The following GPHN variants were observed in gnomAD, a reference collection of about 807,000 sequenced individuals.
GPHN encodes the protein gephyrin.
GPHN carries 17 observed loss-of-function variants against 95.5 expected under a neutral mutation model. The ratio of observed to expected loss-of-function variants is 0.18; its 90% CI spans 0.12 to 0.27. The LOEUF is 0.27. Among genes scored for constraint, GPHN ranks in the 10% least tolerant of loss-of-function variants. The pLI, the probability that GPHN is intolerant of heterozygous loss-of-function variation, is 1.00. For synonymous variants in GPHN, 320 were observed against 322.5 expected (o/e 0.99, Z 0.08); for missense variants, 660 against 978.1 (o/e 0.67, Z 4.34).
the GPHN span, among the ~76,000 whole-genome samples, chr14:67,389,815 T>G: frequency 9.9e-5 from 15 of 152,212 alleles, no homozygotes; most frequent in African/African-American, 3.6e-4. Context: ...TGTTTATTTT[T>G]TCCTTGCTTC....
At chr14:67,057,718 T>C (rs1334225061) in intron 10 of GPHN, among the ~76,000 whole-genome samples, 2 of 152,222 alleles carry the variant, frequency 1.3e-5, no homozygotes, top group Admixed American at 1.3e-4. Flanking sequence ...TCTCTTTCTC[T>C]TTCTTTCATT....
At position 66,508,408 on chromosome 14, in the gene GPHN, C is replaced by T. The variant is rs2057874964; in HGVS notation, c.-120C>T. ...TGGCCTCCCCCTCCTTCCCCGCTCT[C>T]CTCGCGCTTCTCTGGCTCCCTAGCT... On this transcript the variant is annotated 5_prime_UTR_variant, in exon 1 of 23. Transcript: ENST00000478722. The T allele has an allele frequency of 2.0e-5, 18 of 896,998 alleles. No homozygotes were observed. The highest frequency in any genetic ancestry group is 2.3e-4 in the Middle Eastern group (1 of 4,360). 55.6% of individuals were successfully genotyped at this position (896,998 alleles called of 1,614,324 possible). A position where few individuals can be genotyped will look rare whatever the true frequency, so the allele number is the denominator to read the frequency against.
In GPHN at chr14:67,058,747, A is replaced by G. The variant is rs777662783; in HGVS notation, c.1105A>G (p.Met369Val). 6.2e-7 allele frequency: 1 copy of G among 1,613,638 alleles called. No homozygotes were observed. The change falls in exon 11 of 23, where the codon ATG (methionine) becomes GTG (valine). Residue 369 changes from methionine (M) to valine (V), a missense_variant. Around this residue, in one of 6 missense-constraint regions of GPHN, gnomAD observed 257 missense variants for 376.2 expected, o/e 0.68. Coordinates refer to ENST00000478722, the MANE Select transcript of GPHN (RefSeq NM_020806.5). Reference sequence around the variant, plus strand: ...CAAAGCCTTTATCACAGTCCTGGAGATGACTCCGGTGCTTGGGACAGAAAT... The same window carrying G: ...CAAAGCCTTTATCACAGTCCTGGAGGTGACTCCGGTGCTTGGGACAGAAAT... ...MDKAFITVLEMTPVLGTEIIN... is the reference protein window; with the variant it reads ...MDKAFITVLEVTPVLGTEIIN...
At chr14:67,453,694 C>T in the GPHN span, among the ~76,000 whole-genome samples, 5 of 152,180 alleles carry the variant, frequency 3.3e-5, no homozygotes, top group South Asian at 4.1e-4. Flanking sequence ...GGAGAGGGGG[C>T]GGCTGAGTCA....
chr14:67,578,185 T>C, the GPHN span: 3 of 1,613,574 alleles, frequency 1.9e-6, no homozygotes. This position sits in a 1 kb window ranked among gnomAD's most constrained non-coding sequence, Gnocchi z 5.0. Context: ...ACCTCAGAAG[T>C]ACTCCCTCAT....
the GPHN span, chr14:67,302,680 G>T: frequency 1.1e-6 from 1 of 873,544 alleles, no homozygotes; most frequent in Non-Finnish European, 1.6e-6. Flanking sequence ...ATGATTTCTA[G>T]CCTGATTTTT....
chr14:66,986,136 ATAATTT>A (rs1238159495), intron 9 of GPHN, among the ~76,000 whole-genome samples: 1 of 150,632 alleles, frequency 6.6e-6, no homozygotes, highest in Non-Finnish European at 1.5e-5. Flanking sequence ...TGTAAAAAAA[ATAATTT>A]TAATGTTATT....
At chr14:67,081,961 C>T (rs890244830) in intron 11 of GPHN, among the ~76,000 whole-genome samples, 1 of 152,096 alleles carries the variant, frequency 6.6e-6, no homozygotes, top group African/African-American at 2.4e-5. Flanking sequence ...GTCTATGTGC[C>T]TATTTTTATA....
At chr14:67,460,166 T>C in the GPHN span, among the ~76,000 whole-genome samples, 1 of 152,160 alleles carries the variant, frequency 6.6e-6, no homozygotes, top group Non-Finnish European at 1.5e-5. Flanking sequence ...CCCGCCTCCC[T>C]TTTTTTGTAA....
chr14:67,536,764 C>T, the GPHN span, among the ~76,000 whole-genome samples: 7 of 151,924 alleles, frequency 4.6e-5, no homozygotes, highest in South Asian at 8.3e-4. Flanking sequence ...ATCTTGGGGT[C>T]GGGAGTGGTG....
rs776788533 is a variant in GPHN, at chr14:67,081,581, G to A, written c.1145-7402G>A. On this transcript the variant is annotated intron_variant, in intron 11 of 22. Coordinates refer to ENST00000478722, the MANE Select transcript of GPHN (RefSeq NM_020806.5). Reference sequence around the variant, plus strand: ...TACTTTGCTGATTGTTTCTTTTGCTGTGCAGAAACTTTTTAGATTAATTAA... The same window carrying A: ...TACTTTGCTGATTGTTTCTTTTGCTATGCAGAAACTTTTTAGATTAATTAA... Among the ~76,000 whole-genome samples, 3 of 152,266 alleles carry A rather than the reference G, an allele frequency of 2.0e-5. No individual in the cohort carries two copies. In the East Asian group the frequency reaches 5.8e-4, roughly 29 times the overall value.
At chr14:67,436,926 A>T in the GPHN span, among the ~76,000 whole-genome samples, 3,072 of 152,200 alleles carry the variant, frequency 0.02, 186 homozygotes, top group East Asian at 0.13. Flanking sequence ...GCTTGGTGGC[A>T]CACACCTGTA....
chr14:67,165,340 C>T, intron 20 of GPHN, 114 bp downstream of exon 20: 1 of 716,210 alleles, frequency 1.4e-6, no homozygotes, highest in Non-Finnish European at 2.5e-6. Context: ...CAAGTCTCAG[C>T]TTTTCTAAAC....
chr14:66,590,237 C>T (rs377283719), intron 1 of GPHN, among the ~76,000 whole-genome samples: 62 of 152,100 alleles, frequency 4.1e-4, no homozygotes, highest in African/African-American at 1.3e-3. Flanking sequence ...GATCTAACAT[C>T]GACACCCTAA....
chr14:67,603,668 A>G, the GPHN span, among the ~76,000 whole-genome samples: 3 of 151,970 alleles, frequency 2.0e-5, no homozygotes, highest in Non-Finnish European at 4.4e-5. Context: ...AATCCTTATT[A>G]CTGCTTTGTG....
In GPHN at chr14:66,836,827, G is replaced by A. The variant is rs1371791624; in HGVS notation, c.294+12261G>A. Among the ~76,000 whole-genome samples, 59 of 151,548 alleles carry A rather than the reference G, an allele frequency of 3.9e-4. 1 individual carries two copies. The highest frequency in any genetic ancestry group is 1.3e-3 in the African/African-American group (52 of 40,938). ...TCAAAAGAAGACATTTATGCAGCCA[G>A]AAAACACATGAAAAAATGCTCACCG... On this transcript the variant is annotated intron_variant, in intron 4 of 22. Coordinates refer to ENST00000478722, the MANE Select transcript of GPHN (RefSeq NM_020806.5).
At chr14:67,234,478 G>A in the GPHN span, among the ~76,000 whole-genome samples, 1,024 of 152,236 alleles carry the variant, frequency 6.7e-3, 12 homozygotes, top group Admixed American at 0.029. Flanking sequence ...CGAAGTGGCT[G>A]AAATCAGTGA....
chr14:67,024,866 A>T (rs185694477), intron 10 of GPHN, among the ~76,000 whole-genome samples: 116 of 152,238 alleles, frequency 7.6e-4, no homozygotes, highest in African/African-American at 2.6e-3. Flanking sequence ...GTAAAAATTC[A>T]TGGGGTTTTT....
the GPHN span, among the ~76,000 whole-genome samples, chr14:67,519,853 G>C: frequency 6.6e-6 from 1 of 151,962 alleles, no homozygotes; most frequent in Non-Finnish European, 1.5e-5. Context: ...CTCCCATGTA[G>C]CTGGGACTAC....
Sources: allele counts gnomAD v4.1 joint callset (sites outside exome capture counted in the v4.1 genomes callset), GRCh38; gene constraint gnomAD v4.1.1; regional missense constraint gnomAD v4.1.1; non-coding constraint Gnocchi (gnomAD v3.1); transcripts MANE v1.5; gene names NCBI Gene and HGNC (gene_info 2026-07-23, HGNC 2026-07-21).